The following GYS2 variants were observed in gnomAD, a reference collection of about 807,000 sequenced individuals.
The protein encoded by GYS2 is glycogen synthase 2, also known as glycogen [starch] synthase, liver.
A neutral mutation model predicts 85.6 loss-of-function variants in GYS2; 80 were observed. That is an observed-to-expected ratio of 0.93 (90% CI 0.78 to 1.13). GYS2 has a LOEUF of 1.13. GYS2 is among the 50% of genes most tolerant of loss of function. The pLI is 0.00. For synonymous variants in GYS2, 328 were observed against 300.7 expected (o/e 1.09, Z -0.94); for missense variants, 881 against 854.9 (o/e 1.03, Z -0.38).
At chr12:21,541,705 T>C (rs964825047) in intron 13 of GYS2, among the ~76,000 whole-genome samples, 2 of 152,164 alleles carry the variant, frequency 1.3e-5, no homozygotes, top group African/African-American at 2.4e-5. Flanking sequence ...TACTTTTTTT[T>C]CTCCACTTTT....
At chr12:21,546,194 C>A in intron 12 of GYS2, 150 bp downstream of exon 12, 1 of 537,696 alleles carries the variant, frequency 1.9e-6, no homozygotes. Flanking sequence ...ATAAATTAAT[C>A]CCTGTGATAA....
intron 1 of GYS2, among the ~76,000 whole-genome samples, chr12:21,598,078 G>A (rs879512864): frequency 2.6e-5 from 4 of 152,070 alleles, no homozygotes; most frequent in Non-Finnish European, 5.9e-5. Context: ...GAGACGAAGA[G>A]AAGTTGGTTA....
At chr12:21,543,838 CG>C (rs1432459443) in intron 12 of GYS2, among the ~76,000 whole-genome samples, 1 of 152,042 alleles carries the variant, frequency 6.6e-6, no homozygotes, top group East Asian at 1.9e-4. Flanking sequence ...TGAGAACATG[CG>C]GTGTTTGGTT....
intron 7 of GYS2, 112 bp downstream of exon 7, chr12:21,562,806 G>T: frequency 8.8e-7 from 1 of 1,133,230 alleles, no homozygotes; most frequent in Non-Finnish European, 1.3e-6. Context: ...TTTAGAATAC[G>T]ATTATCGTTT....
intron 7 of GYS2, 139 bp downstream of exon 7, chr12:21,562,779 G>T: frequency 1.9e-4 from 149 of 772,666 alleles, no homozygotes; most frequent in Middle Eastern, 8.1e-4. Context: ...TATGTAAATT[G>T]AAAGGCTGAA....
chr12:21,537,127 AAGG>A lies in GYS2; in HGVS notation c.1936_1938del (p.Pro646del). On this transcript the variant is annotated inframe_deletion, in exon 16 of 16. Coordinates refer to ENST00000261195, the MANE Select transcript of GYS2 (RefSeq NM_021957.4). The stretch of plus-strand genomic sequence containing the variant: ...TGAGGACTGGAGGCCTGAGACCCTG[AAGG>A]AGAAGGTGGTACTGAGGAAGGCCTG... 1 of 1,613,878 alleles carries A rather than the reference AAGG, an allele frequency of 6.2e-7. No individual in the cohort carries two copies. The highest frequency in any genetic ancestry group is 8.5e-7 in the Non-Finnish European group (1 of 1,179,850).
intron 3 of GYS2, among the ~76,000 whole-genome samples, chr12:21,575,511 T>C (rs1429581291): frequency 1.3e-5 from 2 of 152,172 alleles, no homozygotes; most frequent in Non-Finnish European, 1.5e-5. Flanking sequence ...CTGGAAAGCT[T>C]ATTAAACAAA....
In GYS2 at chr12:21,554,986, TCC is replaced by T. The variant is rs1944161368; in HGVS notation, c.1422+3212_1422+3213del. On this transcript the variant is annotated intron_variant, in intron 11 of 15. Coordinates refer to ENST00000261195, the MANE Select transcript of GYS2 (RefSeq NM_021957.4). Reference sequence around the variant, plus strand: ...TATTGCCAGCTGCATGACCCATCCCTCCTTTTCCCACTTTCCCTCATCCCTCC... The same window carrying T: ...TATTGCCAGCTGCATGACCCATCCCTTTTTCCCACTTTCCCTCATCCCTCC... Among the ~76,000 whole-genome samples, 5 of 151,728 alleles carry T rather than the reference TCC, an allele frequency of 3.3e-5. No homozygotes were observed. In the South Asian group the frequency reaches 1.0e-3, roughly 31 times the overall value.
At chr12:21,601,201 C>T (rs1488574510) in intron 1 of GYS2, among the ~76,000 whole-genome samples, 2 of 152,056 alleles carry the variant, frequency 1.3e-5, no homozygotes, top group East Asian at 3.9e-4. Flanking sequence ...TTTTCCCCCA[C>T]ATTTGGGCAA....
Position 21,575,860 on chromosome 12 carries a change from C to A in GYS2, c.495+6G>T. The A allele has an allele frequency of 6.2e-7, 1 of 1,604,318 alleles. No individual in the cohort carries two copies. Among genetic ancestry groups the A allele is most frequent in the Non-Finnish European group, 8.5e-7 (1 of 1,171,244 alleles). ...CTCCGTTGTATCACTATATAATAAA[C>A]CATACCTCTTTTAAGAACCAGGCAG... On this transcript the variant is annotated splice_donor_region_variant and intron_variant, in intron 3 of 15. Transcript: ENST00000261195.
intron 11 of GYS2, among the ~76,000 whole-genome samples, chr12:21,554,902 C>G (rs991960544): frequency 6.6e-6 from 1 of 152,156 alleles, no homozygotes; most frequent in African/African-American, 2.4e-5. Context: ...TCATTTAGAA[C>G]GTCCAATTTC....
intron 1 of GYS2, among the ~76,000 whole-genome samples, chr12:21,594,670 C>T (rs944719482): frequency 7.2e-5 from 11 of 152,200 alleles, no homozygotes; most frequent in African/African-American, 2.4e-4. Context: ...GGCCATACTA[C>T]CCAAAGCAAT....
At chr12:21,583,336 T>C (rs12307470) in intron 1 of GYS2, among the ~76,000 whole-genome samples, 23,696 of 152,212 alleles carry the variant, frequency 0.16, 1,935 homozygotes, top group Middle Eastern at 0.26. Context: ...TTGGCCACTC[T>C]TACAACCAAG....
chr12:21,533,822 G>A (rs1228791881), downstream of GYS2, among the ~76,000 whole-genome samples: 1 of 152,180 alleles, frequency 6.6e-6, no homozygotes, highest in East Asian at 1.9e-4. Flanking sequence ...ATAAACAACA[G>A]AAATTTATTT....
At chr12:21,571,470 T>A (rs1192368113) in intron 4 of GYS2, among the ~76,000 whole-genome samples, 1 of 152,164 alleles carries the variant, frequency 6.6e-6, no homozygotes. Context: ...AAACAAAAAA[T>A]GGGTAAAGTA....
chr12:21,569,451 T>C (rs1268077185), intron 4 of GYS2, among the ~76,000 whole-genome samples: 1 of 152,210 alleles, frequency 6.6e-6, no homozygotes, highest in Non-Finnish European at 1.5e-5. Flanking sequence ...CTTAATTCAC[T>C]GAAAGGGAAC....
At chr12:21,554,763 A>G (rs143193580) in intron 11 of GYS2, among the ~76,000 whole-genome samples, 2 of 152,352 alleles carry the variant, frequency 1.3e-5, no homozygotes, top group Non-Finnish European at 2.9e-5. Flanking sequence ...AGAAGAGATG[A>G]TAACATCAGG....
chr12:21,549,716 C>T (rs1013076213), intron 11 of GYS2, among the ~76,000 whole-genome samples: 3 of 152,286 alleles, frequency 2.0e-5, no homozygotes, highest in Admixed American at 1.3e-4. Context: ...GTTCACACAT[C>T]TTTGGCAGAT....
chr12:21,591,062 C>T (rs1416096849), intron 1 of GYS2, among the ~76,000 whole-genome samples: 1 of 151,566 alleles, frequency 6.6e-6, no homozygotes. Context: ...AATGCAAGAA[C>T]AAAATAAACA....
Sources: gnomAD v4.1 joint callset for allele counts (sites outside exome capture counted in the v4.1 genomes callset) on GRCh38, gnomAD v4.1.1 for gene constraint, MANE v1.5 for transcripts, NCBI Gene and HGNC (gene_info 2026-07-23, HGNC 2026-07-21) for gene names.